Variants in C4orf51 observed in about 807,000 individuals in gnomAD.
C4orf51 encodes uncharacterized protein C4orf51.
In C4orf51, 25 loss-of-function variants were observed where a neutral mutation model predicts 25.2. That is an observed-to-expected ratio of 0.99 (90% CI 0.72 to 1.39). The LOEUF is 1.39. Ranked by LOEUF, C4orf51 falls within the 40% of genes most tolerant of loss-of-function variation. The probability of loss-of-function intolerance (pLI) is 0.00; values close to 1 mark genes in which losing one functional copy is unlikely to be tolerated. For missense variants in C4orf51, 252 were observed against 239.6 expected (o/e 1.05, Z -0.34); for synonymous variants, 100 against 84.5 (o/e 1.18, Z -1.01).
chr4:145,706,808 ATTTTTT>A (rs34336553), intron 2 of C4orf51, among the ~76,000 whole-genome samples: 5 of 118,670 alleles, frequency 4.2e-5, no homozygotes, highest in African/African-American at 1.3e-4. Flanking sequence ...TGCCCGGCTA[ATTTTTT>A]TTTTTTTTTT....
chr4:145,732,195 A>G (rs947352385), intron 5 of C4orf51, among the ~76,000 whole-genome samples: 7 of 152,248 alleles, frequency 4.6e-5, no homozygotes, highest in Non-Finnish European at 8.8e-5. Context: ...GAATCTTACC[A>G]GAGAAGCAGT....
chr4:145,730,010 A>G lies in C4orf51; in HGVS notation c.501+45A>G, dbSNP rs972082788. ...CCATGCAACAGTGGATCTGTGGGGT[A>G]GTCAGGAAGCGGGGTTCTGAGTGTC... On this transcript the variant is annotated intron_variant, in intron 5 of 5. Transcript: ENST00000438731. 9.0e-6 allele frequency: 14 copies of G among 1,554,424 alleles called. No homozygotes were observed. In the South Asian group the frequency reaches 1.0e-4, roughly 11 times the overall value.
chr4:145,692,110 CGTACAATAATGTTCTTAGCA>C (rs886415726), intron 1 of C4orf51, among the ~76,000 whole-genome samples: 1 of 152,096 alleles, frequency 6.6e-6, no homozygotes, highest in African/African-American at 2.4e-5. Flanking sequence ...TGGAGAGACA[CGTACAATAATGTTCTTAGCA>C]GTACTTTTCA....
At chr4:145,727,922 T>A (rs1304909115) in intron 3 of C4orf51, among the ~76,000 whole-genome samples, 131 of 96,928 alleles carry the variant, frequency 1.4e-3, no homozygotes, top group African/African-American at 5.0e-3. Flanking sequence ...TATATATATA[T>A]AAAATATATT....
chr4:145,694,919 A>G (rs1305512491), intron 1 of C4orf51, among the ~76,000 whole-genome samples: 1 of 152,162 alleles, frequency 6.6e-6, no homozygotes, highest in Non-Finnish European at 1.5e-5. Context: ...TGAAAATGTT[A>G]CCCTTTTATG....
chr4:145,785,164 C>T, the C4orf51 span, among the ~76,000 whole-genome samples: 3 of 152,202 alleles, frequency 2.0e-5, no homozygotes, highest in East Asian at 5.8e-4. Flanking sequence ...AGAACGATCT[C>T]ATCTTAGCAA....
At chr4:145,774,462 G>A (rs781152154), downstream of C4orf51, 1 of 1,580,054 alleles carries the variant, frequency 6.3e-7, no homozygotes, top group Non-Finnish European at 8.6e-7. Context: ...CTGGGGTGCA[G>A]GGGATGGAGA....
intron 5 of C4orf51, among the ~76,000 whole-genome samples, chr4:145,731,362 G>A (rs1396490457): frequency 1.3e-5 from 2 of 151,924 alleles, no homozygotes; most frequent in Non-Finnish European, 2.9e-5. Context: ...CAAAGTAGCC[G>A]CTTTTAAGTC....
chr4:145,732,811 A>C, downstream of C4orf51: 1 of 319,694 alleles, frequency 3.1e-6, no homozygotes, highest in Non-Finnish European at 5.7e-6. Flanking sequence ...TTGGGACCAC[A>C]TTTCTCTGCT....
At chr4:145,687,907 C>T (rs1184043092) in intron 1 of C4orf51, among the ~76,000 whole-genome samples, 1 of 152,016 alleles carries the variant, frequency 6.6e-6, no homozygotes, top group Non-Finnish European at 1.5e-5. Flanking sequence ...GAAAACATCG[C>T]ATGATATAAA....
At chr4:145,703,389 T>A (rs1162819161) in intron 2 of C4orf51, among the ~76,000 whole-genome samples, 1 of 152,030 alleles carries the variant, frequency 6.6e-6, no homozygotes, top group Non-Finnish European at 1.5e-5. Flanking sequence ...GGCCCCACCC[T>A]TAACTCCCTT....
intron 1 of C4orf51, chr4:145,759,701 G>T (rs1374981546): frequency 2.0e-5 from 3 of 149,400 alleles, no homozygotes; most frequent in African/African-American, 2.5e-5. Context: ...TTTTTTTTCA[G>T]ATGAGAAACA....
At chr4:145,702,879 C>T (rs1426102185) in intron 2 of C4orf51, among the ~76,000 whole-genome samples, 1 of 151,648 alleles carries the variant, frequency 6.6e-6, no homozygotes, top group Non-Finnish European at 1.5e-5. Flanking sequence ...ACCACAAGAC[C>T]TCCCTTCAGC....
chr4:145,779,351 C>G, the C4orf51 span: 414 of 1,610,460 alleles, frequency 2.6e-4, 1 homozygote, highest in African/African-American at 4.8e-3. Context: ...AGAGGGCTGA[C>G]AGCCCAGGCC....
At chr4:145,722,191 C>T (rs1317285545) in intron 2 of C4orf51, among the ~76,000 whole-genome samples, 2 of 152,188 alleles carry the variant, frequency 1.3e-5, no homozygotes, top group African/African-American at 4.8e-5. Flanking sequence ...TAAAATGGCA[C>T]AATCAATACC....
At chr4:145,681,877 T>C (rs1560814927) in intron 1 of C4orf51, among the ~76,000 whole-genome samples, 1 of 152,206 alleles carries the variant, frequency 6.6e-6, no homozygotes. Flanking sequence ...CCCAAAACTA[T>C]TGCATTGGGG....
At chr4:145,742,696 C>T (rs935404408) in intron 1 of C4orf51, among the ~76,000 whole-genome samples, 6 of 152,162 alleles carry the variant, frequency 3.9e-5, no homozygotes, top group East Asian at 1.9e-4. Flanking sequence ...CCCGCCACCA[C>T]GCCCAGCTAA....
chr4:145,769,157 A>G (rs1735866516), intron 1 of C4orf51, among the ~76,000 whole-genome samples: 1 of 151,828 alleles, frequency 6.6e-6, no homozygotes, highest in South Asian at 2.1e-4. Flanking sequence ...TCAGTTCACA[A>G]TTTTAAAAAT....
intron 2 of C4orf51, among the ~76,000 whole-genome samples, chr4:145,705,113 A>G (rs1730715859): frequency 6.6e-6 from 1 of 152,218 alleles, no homozygotes; most frequent in African/African-American, 2.4e-5. Flanking sequence ...CTGGAGTTGT[A>G]TACATGCTCA....
Sources: allele counts gnomAD v4.1 joint callset (sites outside exome capture counted in the v4.1 genomes callset), GRCh38; gene constraint gnomAD v4.1.1; transcripts MANE v1.5; gene names NCBI Gene and HGNC (gene_info 2026-07-23, HGNC 2026-07-21).